Variants in VDR observed in about 807,000 individuals in gnomAD.
VDR encodes the protein vitamin D receptor, also known as vitamin D3 receptor.
VDR carries 19 observed loss-of-function variants against 39.7 expected under a neutral mutation model. The ratio of observed to expected loss-of-function variants is 0.48; its 90% confidence interval spans 0.33 to 0.70. The LOEUF (loss-of-function observed/expected upper bound fraction) is 0.70. Among genes scored for constraint, VDR ranks in the 30% least tolerant of loss-of-function variants. The probability of loss-of-function intolerance (pLI) is 0.02; values close to 1 mark genes in which losing one functional copy is unlikely to be tolerated. For missense variants in VDR, 442 were observed against 570.5 expected (o/e 0.77, Z 2.29); for synonymous variants, 242 against 215.8 (o/e 1.12, Z -1.07).
chr12:47,889,946 G>T (rs1194133412), intron 1 of VDR, among the ~76,000 whole-genome samples: 1 of 152,016 alleles, frequency 6.6e-6, no homozygotes, highest in Non-Finnish European at 1.5e-5. Context: ...GGGACCCGCA[G>T]CCTGAGTCCA....
chr12:47,846,496 C>A lies in VDR; in HGVS notation c.908-45G>T, dbSNP rs376639769. 1.9e-5 allele frequency: 29 copies of A among 1,550,116 alleles called. No individual in the cohort carries two copies. In the Admixed American group the frequency reaches 5.6e-4, roughly 30 times the overall value. Reference sequence around the variant, plus strand: ...GGTACTGCGGGCAGAGCTGAGGAGCCGCCCACCCACCTCCAACCCCATGGG... The same window carrying A: ...GGTACTGCGGGCAGAGCTGAGGAGCAGCCCACCCACCTCCAACCCCATGGG... On this transcript the variant is annotated intron_variant, in intron 8 of 9. Coordinates refer to ENST00000549336, the MANE Select transcript of VDR (RefSeq NM_000376.3).
chr12:47,856,622 TAA>T (rs61388360), intron 6 of VDR, among the ~76,000 whole-genome samples: 54 of 126,164 alleles, frequency 4.3e-4, no homozygotes, highest in African/African-American at 1.2e-3. Flanking sequence ...GTGTTTTTTT[TAA>T]AAAAAAAAAA....
At chr12:47,904,256 AG>A (rs1451466218) in intron 1 of VDR, among the ~76,000 whole-genome samples, 2 of 151,958 alleles carry the variant, frequency 1.3e-5, no homozygotes, top group Non-Finnish European at 2.9e-5. Context: ...TGGAGACCAC[AG>A]GCTGTTCCCT....
chr12:47,890,757 G>C (rs1295558790), intron 1 of VDR, among the ~76,000 whole-genome samples: 1 of 152,232 alleles, frequency 6.6e-6, no homozygotes, highest in Admixed American at 6.5e-5. Flanking sequence ...ATTCTGACTA[G>C]ATTGTATGAA....
chr12:47,899,574 A>G (rs568427349), intron 1 of VDR, among the ~76,000 whole-genome samples: 2 of 152,366 alleles, frequency 1.3e-5, no homozygotes, highest in Non-Finnish European at 2.9e-5. Flanking sequence ...CCAGGCCACT[A>G]GCTTCTAACA....
chr12:47,859,904 TC>T (rs1198047875), intron 4 of VDR, among the ~76,000 whole-genome samples: 13 of 43,734 alleles, frequency 3.0e-4, no homozygotes, highest in African/African-American at 1.3e-3. Flanking sequence ...CTTCCTTCCT[TC>T]CTTCCTTCCT....
chr12:47,858,864 G>A (rs11574080), intron 4 of VDR, among the ~76,000 whole-genome samples: 5 of 152,212 alleles, frequency 3.3e-5, no homozygotes, highest in Non-Finnish European at 5.9e-5. Flanking sequence ...GGGGGAGGAC[G>A]AGAGAAGTTG....
chr12:47,860,690 G>A (rs568372945), intron 4 of VDR, among the ~76,000 whole-genome samples: 6 of 152,294 alleles, frequency 3.9e-5, no homozygotes, highest in South Asian at 4.1e-4. Context: ...ATGGCTTGGC[G>A]TGCTGGGCTT....
rs140601173 is a variant in VDR at position 47,865,600 on chromosome 12, A to C, written c.147-423T>G. On this transcript the variant is annotated intron_variant, in intron 3 of 9. Coordinates refer to ENST00000549336, the MANE Select transcript of VDR (RefSeq NM_000376.3). ...CTAATTTTTTGATTTTTTTGTAAAAATGGGGTCTCACTATGTTGCCCAGGC... is the reference window on the plus strand; with the variant it reads ...CTAATTTTTTGATTTTTTTGTAAAACTGGGGTCTCACTATGTTGCCCAGGC... 8.4e-3 allele frequency among the ~76,000 whole-genome samples: 1,274 copies of C among 151,524 alleles called. 27 individuals are homozygous for C. Among genetic ancestry groups the C allele is most frequent in the African/African-American group, 0.029 (1,181 of 41,300 alleles).
intron 3 of VDR, among the ~76,000 whole-genome samples, chr12:47,871,363 C>CTTTCTTTTCTTTCTTTCTTTCTTTCCTT (rs1565622866): frequency 6.9e-5 from 4 of 58,228 alleles, no homozygotes; most frequent in Admixed American, 2.3e-4. Flanking sequence ...TCTTTCCTTT[C>CTTTCTTTTCTTTCTTTCTTTCTTTCCTT]TCTCTCTCTC....
intron 3 of VDR, 192 bp downstream of exon 3, chr12:47,878,776 C>G: frequency 1.1e-6 from 1 of 880,200 alleles, no homozygotes; most frequent in Non-Finnish European, 1.8e-6. Context: ...GTCAGAGGAA[C>G]ATCTGGAGCT....
chr12:47,853,993 CAATG>C (rs200608854), intron 7 of VDR, among the ~76,000 whole-genome samples: 1,644 of 152,050 alleles, frequency 0.011, 47 homozygotes, highest in African/African-American at 0.038. Context: ...AGTGTTAAAA[CAATG>C]AAACATAGGA....
chr12:47,855,161 C>G (rs965332578), intron 7 of VDR, among the ~76,000 whole-genome samples: 2 of 152,172 alleles, frequency 1.3e-5, no homozygotes, highest in Admixed American at 6.5e-5. Context: ...AACCCCGTCT[C>G]TACTAAAATT....
rs1945238226 is a variant in VDR, at chr12:47,844,645, C to T, written c.*101G>A. 6.5e-7 allele frequency: 1 copy of T among 1,548,074 alleles called. No individual in the cohort carries two copies. Among genetic ancestry groups the T allele is most frequent in the South Asian group, 1.1e-5 (1 of 87,558 alleles). ...AGGTGGCAGAGGAGGGGCTGAACCC[C>T]AGACGGGGTGAGGAGGGCTGCTGAG... On this transcript the variant is annotated 3_prime_UTR_variant, in exon 10 of 10. Coordinates refer to ENST00000549336, the MANE Select transcript of VDR (RefSeq NM_000376.3).
intron 1 of VDR, among the ~76,000 whole-genome samples, chr12:47,894,037 A>G (rs1460388842): frequency 1.3e-5 from 2 of 151,850 alleles, no homozygotes; most frequent in Non-Finnish European, 2.9e-5. Flanking sequence ...TAAGCCTTGA[A>G]CCCTCACCAA....
intron 1 of VDR, among the ~76,000 whole-genome samples, chr12:47,896,147 T>G (rs1179656500): frequency 6.6e-6 from 1 of 152,246 alleles, no homozygotes; most frequent in Non-Finnish European, 1.5e-5. Context: ...CTGCATAGTC[T>G]GTGAGGAGTC....
At position 47,865,909 on chromosome 12, in the gene VDR, G is replaced by T. The variant is rs569046046; in HGVS notation, c.147-732C>A. ...TTTTTGTATTTTTAGTAGAAATGGG[G>T]TTTCACCGTGTTAGCCAGGATGGTC... On this transcript the variant is annotated intron_variant, in intron 3 of 9. Transcript: ENST00000549336. Among the ~76,000 whole-genome samples the T allele has an allele frequency of 2.0e-5, 3 of 150,350 alleles. No individual in the cohort carries two copies. The South Asian group carries it at 6.3e-4, about 31-fold the overall frequency.
intron 1 of VDR, among the ~76,000 whole-genome samples, chr12:47,894,627 G>T (rs1183253228): frequency 6.6e-6 from 1 of 152,196 alleles, no homozygotes; most frequent in Admixed American, 6.5e-5. Flanking sequence ...CAGCTAGGCT[G>T]GTCAGTAGCC....
intron 3 of VDR, 60 bp downstream of exon 3, chr12:47,878,908 G>A (rs759172703): frequency 1.2e-6 from 2 of 1,613,298 alleles, no homozygotes; most frequent in South Asian, 1.1e-5. Context: ...TCCCTTCATG[G>A]AAACACCTTG....
Sources: allele counts gnomAD v4.1 joint callset (sites outside exome capture counted in the v4.1 genomes callset), GRCh38; gene constraint gnomAD v4.1.1; transcripts MANE v1.5; gene names NCBI Gene and HGNC (gene_info 2026-07-23, HGNC 2026-07-21).